FGF13: variants seen among roughly 807,000 people sequenced by gnomAD.
The protein encoded by FGF13 is fibroblast growth factor homologous factor 2.
A neutral mutation model predicts 19.5 loss-of-function variants in FGF13; 2 were observed. The ratio of observed to expected loss-of-function variants is 0.10; its 90% confidence interval spans 0.04 to 0.32. The LOEUF (loss-of-function observed/expected upper bound fraction) is 0.32. Among genes scored for constraint, FGF13 ranks in the 10% least tolerant of loss-of-function variants. FGF13 has a pLI of 1.00. For synonymous variants in FGF13, 72 were observed against 76.9 expected (o/e 0.94, Z 0.33); for missense variants, 113 against 192.7 (o/e 0.59, Z 2.45).
intron 1 of FGF13, among the ~76,000 whole-genome samples, chrX:138,942,674 A>G (rs2091763999): frequency 8.9e-6 from 1 of 111,883 alleles, no homozygotes; most frequent in African/African-American, 3.2e-5. Flanking sequence ...ACCTCTAACA[A>G]CAAATCTCTG....
chrX:138,829,045 G>C (rs1453228136), intron 3 of FGF13, among the ~76,000 whole-genome samples: 1 of 111,880 alleles, frequency 8.9e-6, no homozygotes, highest in Non-Finnish European at 1.9e-5. Context: ...TATGTCATGT[G>C]TGCTATGGCC....
At position 139,072,076 on chromosome X, in the gene FGF13, C is replaced by T. The variant is rs1056863240; in HGVS notation, c.-113+131340G>A. Among the ~76,000 whole-genome samples, 19 of 102,482 alleles carry T rather than the reference C, an allele frequency of 1.9e-4. No homozygotes were observed. The Admixed American group carries it at 2.1e-3, about 11-fold the overall frequency. 89.0% of individuals were successfully genotyped at this position (102,482 alleles called of 115,157 possible). A position where few individuals can be genotyped will look rare whatever the true frequency, so the allele number is the denominator to read the frequency against. ...CTCTCCTGCTTCAACAGTGATGTTT[C>T]GGAACCAATTGTGCCCCCTCCCCAA... On this transcript the variant is annotated intron_variant, in intron 1 of 2. Coordinates refer to the FGF13 transcript ENST00000421460.
At chrX:139,032,138 C>A (rs1163565764) in intron 1 of FGF13, among the ~76,000 whole-genome samples, 1 of 111,733 alleles carries the variant, frequency 8.9e-6, no homozygotes, top group East Asian at 2.8e-4. Flanking sequence ...GTCCTTACCC[C>A]TCTACAGATA....
At chrX:138,746,953 T>C (rs1345362998) in intron 3 of FGF13, among the ~76,000 whole-genome samples, 1 of 111,411 alleles carries the variant, frequency 9.0e-6, no homozygotes, top group Admixed American at 9.5e-5. Context: ...AAGCAAAGCC[T>C]CTATTTGAAA....
At chrX:139,179,733 T>C (rs2084224607) in intron 1 of FGF13, among the ~76,000 whole-genome samples, 1 of 113,032 alleles carries the variant, frequency 8.8e-6, no homozygotes, top group South Asian at 3.6e-4. Context: ...TTTTAACACA[T>C]GCATCTACCT....
At chrX:139,197,993 C>CAAAAAAAAA (rs57335781) in intron 1 of FGF13, among the ~76,000 whole-genome samples, 1 of 23,290 alleles carries the variant, frequency 4.3e-5, no homozygotes, top group Non-Finnish European at 8.1e-5. Flanking sequence ...GACCCTACCT[C>CAAAAAAAAA]AAAAAAAAAA....
intron 1 of FGF13, among the ~76,000 whole-genome samples, chrX:138,940,629 A>G (rs2091753129): frequency 8.9e-6 from 1 of 111,849 alleles, no homozygotes; most frequent in African/African-American, 3.3e-5. Flanking sequence ...GAAGGGGTCA[A>G]GTTTCAATCT....
intron 1 of FGF13, among the ~76,000 whole-genome samples, chrX:139,089,117 C>T (rs1414226883): frequency 1.8e-5 from 2 of 111,715 alleles, no homozygotes; most frequent in Admixed American, 9.5e-5. Flanking sequence ...AGGTGGTTAC[C>T]CAGATTATGA....
intron 1 of FGF13, among the ~76,000 whole-genome samples, chrX:138,876,916 A>C (rs2124173883): frequency 8.9e-6 from 1 of 112,753 alleles, no homozygotes; most frequent in Non-Finnish European, 1.9e-5. Flanking sequence ...ACAAAAGAAA[A>C]ATTTCTTAAT....
At chrX:138,940,547 G>A (rs2091752696) in intron 1 of FGF13, among the ~76,000 whole-genome samples, 1 of 111,165 alleles carries the variant, frequency 9.0e-6, no homozygotes, top group African/African-American at 3.3e-5. Flanking sequence ...TTTCCTCCAG[G>A]GTTTTTATAG....
chrX:139,138,339 C>T (rs1014585618), intron 1 of FGF13, among the ~76,000 whole-genome samples: 1 of 111,822 alleles, frequency 8.9e-6, no homozygotes, highest in African/African-American at 3.3e-5. Flanking sequence ...CACTCCCTAC[C>T]TTAGAGAAGC....
chrX:138,857,501 C>T (rs543119503), downstream of FGF13: 9 of 1,178,201 alleles, frequency 7.6e-6, no homozygotes, highest in African/African-American at 1.1e-4. Flanking sequence ...ACGCGTCTGT[C>T]GTGCACAAAC....
intron 3 of FGF13, among the ~76,000 whole-genome samples, chrX:138,646,263 A>C (rs760174354): frequency 8.9e-6 from 1 of 112,350 alleles, no homozygotes; most frequent in East Asian, 2.8e-4. Flanking sequence ...TTTAGAGTCA[A>C]AGAAATGAAA....
At chrX:139,056,181 G>A (rs1266830767) in intron 1 of FGF13, among the ~76,000 whole-genome samples, 1 of 112,294 alleles carries the variant, frequency 8.9e-6, no homozygotes, top group Non-Finnish European at 1.9e-5. Context: ...ACACCTACTA[G>A]TACTACGTGT....
At chrX:138,911,223 A>G (rs1256144738) in intron 1 of FGF13, among the ~76,000 whole-genome samples, 1 of 111,830 alleles carries the variant, frequency 8.9e-6, no homozygotes, top group African/African-American at 3.3e-5. Flanking sequence ...CCTCCAGGCC[A>G]TTGTTCCAGC....
chrX:139,149,930 T>A (rs1181395696), intron 1 of FGF13, among the ~76,000 whole-genome samples: 1 of 111,702 alleles, frequency 9.0e-6, no homozygotes, highest in Non-Finnish European at 1.9e-5. Flanking sequence ...TCTGTAGAGG[T>A]GCACAATTGC....
intron 1 of FGF13, among the ~76,000 whole-genome samples, chrX:138,943,074 T>A (rs751167242): frequency 8.9e-6 from 1 of 112,195 alleles, no homozygotes; most frequent in Non-Finnish European, 1.9e-5. Context: ...AAACTCTTCA[T>A]CAGAATGAAA....
intron 1 of FGF13, among the ~76,000 whole-genome samples, chrX:139,157,808 T>C (rs1231097819): frequency 1.8e-5 from 2 of 112,760 alleles, no homozygotes; most frequent in African/African-American, 6.4e-5. Flanking sequence ...TTACAGGATG[T>C]GGCTGTCGGG....
upstream of FGF13, chrX:138,716,294 CAG>C (rs1005045081): frequency 8.9e-6 from 1 of 111,988 alleles, no homozygotes; most frequent in African/African-American, 3.3e-5. Context: ...AGTAAGGCAG[CAG>C]AGAGAGTATT....
Sources: allele counts gnomAD v4.1 joint callset (sites outside exome capture counted in the v4.1 genomes callset), GRCh38; gene constraint gnomAD v4.1.1; transcripts MANE v1.5; gene names NCBI Gene and HGNC (gene_info 2026-07-23, HGNC 2026-07-21).